The following RPH3AL variants were observed in gnomAD, a reference collection of about 807,000 sequenced individuals.
The protein encoded by RPH3AL is rab effector Noc2.
In RPH3AL, 38 loss-of-function variants were observed where a neutral mutation model predicts 43.1. The ratio of observed to expected loss-of-function variants is 0.88; its 90% CI spans 0.68 to 1.15. The LOEUF is 1.15. Among genes scored for constraint, RPH3AL ranks in the 50% most tolerant of loss-of-function variants. RPH3AL has a pLI of 0.00. For synonymous variants in RPH3AL, 189 were observed against 176.3 expected (o/e 1.07, Z -0.57); for missense variants, 462 against 423.2 (o/e 1.09, Z -0.81).
intron 6 of RPH3AL, 131 bp from the exon 7 acceptor site, chr17:247,416 C>A (rs2041794610): frequency 1.1e-6 from 1 of 900,762 alleles, no homozygotes; most frequent in Non-Finnish European, 1.6e-6. Context: ...CTGGCTCTGC[C>A]CTCCCTGGCT....
intron 7 of RPH3AL, among the ~76,000 whole-genome samples, 196 bp from the exon 8 acceptor site, chr17:219,932 T>G (rs2040916518): frequency 6.6e-6 from 1 of 151,548 alleles, no homozygotes; most frequent in Admixed American, 6.6e-5. Context: ...AAGAGGGGAG[T>G]CCTGATGTGA....
At chr17:242,302 A>AC (rs1163854205) in intron 7 of RPH3AL, among the ~76,000 whole-genome samples, 54 of 134,860 alleles carry the variant, frequency 4.0e-4, no homozygotes, top group Middle Eastern at 3.8e-3. Flanking sequence ...TCTATTGATT[A>AC]CCTTCCTCTA....
At chr17:232,952 C>T (rs1371349977) in intron 7 of RPH3AL, among the ~76,000 whole-genome samples, 1 of 150,552 alleles carries the variant, frequency 6.6e-6, no homozygotes, top group African/African-American at 2.4e-5. Context: ...ACTACAGAAT[C>T]CATGCAGGGA....
intron 1 of RPH3AL, among the ~76,000 whole-genome samples, chr17:334,316 G>A (rs190115020): frequency 7.5e-4 from 115 of 152,350 alleles, no homozygotes; most frequent in African/African-American, 2.1e-3. Context: ...TCTCTAACAC[G>A]TATCAGACTT....
intron 5 of RPH3AL, among the ~76,000 whole-genome samples, chr17:314,711 GCTCC>G (rs2043840905): frequency 1.7e-3 from 41 of 24,172 alleles, no homozygotes; most frequent in African/African-American, 4.7e-3. Flanking sequence ...TAGTCTCTGT[GCTCC>G]ACCTCCACTG....
chr17:317,290 C>G (rs1447769158), intron 5 of RPH3AL, among the ~76,000 whole-genome samples: 1 of 151,452 alleles, frequency 6.6e-6, no homozygotes, highest in African/African-American at 2.4e-5. Flanking sequence ...CCTGTAGTCT[C>G]TCTGTCCCAC....
intron 2 of RPH3AL, among the ~76,000 whole-genome samples, chr17:329,134 A>G (rs1014152325): frequency 6.6e-6 from 1 of 152,196 alleles, no homozygotes; most frequent in African/African-American, 2.4e-5. Flanking sequence ...CATGTGAATT[A>G]CAACTTCAGC....
At chr17:313,204 C>T (rs1239346088) in intron 5 of RPH3AL, among the ~76,000 whole-genome samples, 1 of 152,194 alleles carries the variant, frequency 6.6e-6, no homozygotes, top group East Asian at 1.9e-4. Flanking sequence ...TCAGTCCCTA[C>T]GTTGCCTGTC....
chr17:339,836 G>A (rs746459805), intron 1 of RPH3AL, among the ~76,000 whole-genome samples: 5 of 152,176 alleles, frequency 3.3e-5, no homozygotes, highest in Non-Finnish European at 5.9e-5. Flanking sequence ...ACTGTAAGTC[G>A]CGCAGTAATT....
At chr17:325,201 G>A (rs1318753970) in intron 3 of RPH3AL, among the ~76,000 whole-genome samples, 2 of 152,120 alleles carry the variant, frequency 1.3e-5, no homozygotes, top group Non-Finnish European at 2.9e-5. Flanking sequence ...CCTTCACCTG[G>A]AGGCTTTTCC....
At chr17:218,150 A>G in intron 8 of RPH3AL, among the ~76,000 whole-genome samples, 1 of 151,274 alleles carries the variant, frequency 6.6e-6, no homozygotes, top group Admixed American at 6.6e-5. Flanking sequence ...CCTCCAAGGC[A>G]TTTCATTCCC....
chr17:273,857 AC>A (rs1380986752), intron 6 of RPH3AL, among the ~76,000 whole-genome samples: 1 of 152,162 alleles, frequency 6.6e-6, no homozygotes, highest in African/African-American at 2.4e-5. Flanking sequence ...AGAGAAGAAC[AC>A]GCTAATTGTC....
intron 6 of RPH3AL, among the ~76,000 whole-genome samples, chr17:252,922 C>A (rs1182358395): frequency 6.6e-6 from 1 of 152,168 alleles, no homozygotes; most frequent in Non-Finnish European, 1.5e-5. Flanking sequence ...AGCCTATATT[C>A]CACAGAGCGG....
chr17:269,843 C>T (rs1268135661), intron 6 of RPH3AL, among the ~76,000 whole-genome samples: 1 of 152,224 alleles, frequency 6.6e-6, no homozygotes, highest in East Asian at 1.9e-4. Flanking sequence ...AGGCAAACTT[C>T]TCCAGTGCAC....
At chr17:302,906 C>T (rs1479683405) in intron 5 of RPH3AL, among the ~76,000 whole-genome samples, 1 of 152,242 alleles carries the variant, frequency 6.6e-6, no homozygotes, top group Non-Finnish European at 1.5e-5. Flanking sequence ...GGGAGAAGGA[C>T]AAACACCCAG....
Position 281,777 on chromosome 17 carries a change from C to T in RPH3AL, c.429G>A (p.Glu143=), listed in dbSNP as rs1042488302. ...ACCCTGGACGCCCTACCTCTCTTTG[C>T]TCACTGCAGATCTTACACAGCCACA... ...RPLWLCKICS[E]QREVWKRSGA... Residue 143 remains glutamate (E), a synonymous_variant, in exon 6 of 10, where the codon GAG becomes GAA. Coordinates refer to ENST00000331302, the MANE Select transcript of RPH3AL (RefSeq NM_006987.4). 2 of 1,612,042 alleles carry T rather than the reference C, an allele frequency of 1.2e-6. No individual in the cohort carries two copies. Among genetic ancestry groups the T allele is most frequent in the Non-Finnish European group, 1.7e-6 (2 of 1,178,872 alleles).
chr17:307,140 T>C (rs1382529657), intron 5 of RPH3AL, among the ~76,000 whole-genome samples: 19 of 116,346 alleles, frequency 1.6e-4, no homozygotes, highest in South Asian at 6.6e-4. Flanking sequence ...ATCCTCCCCA[T>C]GGCAGGTCCT....
intron 3 of RPH3AL, among the ~76,000 whole-genome samples, chr17:326,251 C>A (rs73971743): frequency 1.3e-5 from 2 of 152,270 alleles, no homozygotes; most frequent in Non-Finnish European, 2.9e-5. Flanking sequence ...CTGCAAATCA[C>A]GCATGACTCC....
chr17:265,810 G>T (rs978590870), intron 6 of RPH3AL, among the ~76,000 whole-genome samples: 2 of 152,258 alleles, frequency 1.3e-5, no homozygotes, highest in Non-Finnish European at 2.9e-5. Flanking sequence ...TCTTGCAGAC[G>T]GGAGGCCGGT....
Sources: gnomAD v4.1 joint callset for allele counts (sites outside exome capture counted in the v4.1 genomes callset) on GRCh38, gnomAD v4.1.1 for gene constraint, MANE v1.5 for transcripts, NCBI Gene and HGNC (gene_info 2026-07-23, HGNC 2026-07-21) for gene names.